The following RBFOX1 variants were observed in gnomAD, a reference collection of about 807,000 sequenced individuals.
The protein encoded by RBFOX1 is RNA binding fox-1 homolog 1, also known as RNA binding protein fox-1 homolog 1.
Under a neutral mutation model 57.7 loss-of-function variants are expected in RBFOX1, and 8 were observed. The observed-to-expected ratio is 0.14, with a 90% CI of 0.08 to 0.25. The LOEUF (loss-of-function observed/expected upper bound fraction) is 0.25, where lower values mean the gene tolerates loss of function less well. RBFOX1 is among the 10% of genes least tolerant of loss of function. The pLI, the probability that RBFOX1 is intolerant of heterozygous loss-of-function variation, is 1.00. For missense variants in RBFOX1, 611 were observed against 548.5 expected, an observed-to-expected ratio of 1.11 and a Z score of -1.14; for synonymous variants, 326 against 222.4, an observed-to-expected ratio of 1.47 and a Z score of -4.15.
intron 1 of RBFOX1, among the ~76,000 whole-genome samples, chr16:6,179,743 T>C (rs1323591608): frequency 6.6e-6 from 1 of 152,224 alleles, no homozygotes; most frequent in East Asian, 1.9e-4. Context: ...TAAGGAAAAT[T>C]AGGCCAAAAC....
chr16:7,388,314 C>T (rs552512710), intron 4 of RBFOX1, among the ~76,000 whole-genome samples: 4 of 152,198 alleles, frequency 2.6e-5, no homozygotes, highest in Admixed American at 1.3e-4. Context: ...GGGGAAATTC[C>T]TGAATACAAG....
At chr16:5,680,492 G>A (rs893150060) in intron 3 of RBFOX1, among the ~76,000 whole-genome samples, 1 of 152,190 alleles carries the variant, frequency 6.6e-6, no homozygotes, top group African/African-American at 2.4e-5. Context: ...CTCCCAGTGA[G>A]TCAAGCTATT....
chr16:7,019,448 G>A (rs1435832967), intron 3 of RBFOX1, among the ~76,000 whole-genome samples: 1 of 152,066 alleles, frequency 6.6e-6, no homozygotes, highest in African/African-American at 2.4e-5. Flanking sequence ...GCTGTTGTAG[G>A]TTTTGCTAAG....
chr16:5,445,610 C>A (rs1038701379), intron 1 of RBFOX1, among the ~76,000 whole-genome samples: 1 of 152,196 alleles, frequency 6.6e-6, no homozygotes. Context: ...AGGATAATCC[C>A]CATGAGCTAC....
chr16:6,666,557 AAC>A (rs144778652), intron 3 of RBFOX1, among the ~76,000 whole-genome samples: 11,173 of 148,662 alleles, frequency 0.075, 485 homozygotes, highest in East Asian at 0.14. Flanking sequence ...AAAAAAAAAA[AAC>A]AAATCATGTC....
intron 3 of RBFOX1, among the ~76,000 whole-genome samples, chr16:6,996,519 G>T (rs1596424042): frequency 6.6e-6 from 1 of 152,056 alleles, no homozygotes; most frequent in African/African-American, 2.4e-5. Flanking sequence ...AATAAGTAGG[G>T]CTTGCATACA....
chr16:5,783,636 T>G (rs2054398988), intron 3 of RBFOX1, among the ~76,000 whole-genome samples: 1 of 152,230 alleles, frequency 6.6e-6, no homozygotes, highest in African/African-American at 2.4e-5. Context: ...TTCCCCTGCT[T>G]TTTAAAAATT....
chr16:6,765,083 C>T (rs941673339), intron 3 of RBFOX1, among the ~76,000 whole-genome samples: 19 of 151,532 alleles, frequency 1.3e-4, no homozygotes, highest in African/African-American at 3.9e-4. Flanking sequence ...CTAAAGAATG[C>T]GAGGGAATCT....
At chr16:6,012,481 A>C (rs773976355) in intron 4 of RBFOX1, among the ~76,000 whole-genome samples, 2 of 152,214 alleles carry the variant, frequency 1.3e-5, no homozygotes, top group Non-Finnish European at 2.9e-5. Flanking sequence ...CTGGCACTTA[A>C]TGGGTAGAAG....
chr16:7,066,928 T>C (rs2056193463), intron 4 of RBFOX1, among the ~76,000 whole-genome samples: 1 of 152,234 alleles, frequency 6.6e-6, no homozygotes, highest in Admixed American at 6.5e-5. Flanking sequence ...ATTACTCATG[T>C]GGTAGTTTAT....
At chr16:5,703,401 T>A (rs1407824832) in intron 3 of RBFOX1, among the ~76,000 whole-genome samples, 1 of 152,142 alleles carries the variant, frequency 6.6e-6, no homozygotes, top group Non-Finnish European at 1.5e-5. Flanking sequence ...GGAGTTTGGT[T>A]CACTGGAGGG....
chr16:7,161,128 G>C (rs2152383706), intron 4 of RBFOX1, among the ~76,000 whole-genome samples: 1 of 152,212 alleles, frequency 6.6e-6, no homozygotes, highest in Middle Eastern at 3.4e-3. Context: ...CAACCTCTGG[G>C]ATTACAAAAT....
intron 11 of RBFOX1, among the ~76,000 whole-genome samples, chr16:7,637,776 A>G (rs572415286): frequency 4.6e-5 from 7 of 152,200 alleles, no homozygotes; most frequent in Non-Finnish European, 8.8e-5. Context: ...GGGGTGCTTA[A>G]CAATAACTAG....
chr16:7,206,773 C>G (rs1215658783), intron 4 of RBFOX1, among the ~76,000 whole-genome samples: 1 of 151,698 alleles, frequency 6.6e-6, no homozygotes, highest in Non-Finnish European at 1.5e-5. Context: ...CAGTCCTGGC[C>G]AAGGAGAAAT....
chr16:6,057,789 C>G (rs138190118), intron 1 of RBFOX1, among the ~76,000 whole-genome samples: 4 of 148,524 alleles, frequency 2.7e-5, no homozygotes, highest in South Asian at 4.3e-4. Context: ...GCCCCCACCC[C>G]TGGCACTGTT....
At chr16:5,470,903 G>A (rs892320577) in intron 2 of RBFOX1, among the ~76,000 whole-genome samples, 3 of 152,164 alleles carry the variant, frequency 2.0e-5, no homozygotes, top group African/African-American at 7.2e-5. Flanking sequence ...CCAGGCTGGA[G>A]TACAGTGGTG....
chr16:6,686,372 C>G (rs769563835), intron 3 of RBFOX1, among the ~76,000 whole-genome samples: 1 of 152,164 alleles, frequency 6.6e-6, no homozygotes, highest in African/African-American at 2.4e-5. Flanking sequence ...TTCAGGAAGC[C>G]TGTGGGCCAT....
chr16:5,552,320 G>A (rs147307622), intron 2 of RBFOX1, among the ~76,000 whole-genome samples: 5 of 152,292 alleles, frequency 3.3e-5, no homozygotes, highest in African/African-American at 4.8e-5. Context: ...AACATGCAGA[G>A]TGTTTCTGCC....
intron 3 of RBFOX1, among the ~76,000 whole-genome samples, chr16:5,789,074 C>G (rs1006191020): frequency 6.6e-6 from 1 of 152,126 alleles, no homozygotes; most frequent in Non-Finnish European, 1.5e-5. Flanking sequence ...TGTGCACAAA[C>G]CCTTCCCTCT....
Sources: allele counts gnomAD v4.1 joint callset (sites outside exome capture counted in the v4.1 genomes callset), GRCh38; gene constraint gnomAD v4.1.1; transcripts MANE v1.5; gene names NCBI Gene and HGNC (gene_info 2026-07-23, HGNC 2026-07-21).